The following MTCL2 variants were observed in gnomAD, a reference collection of about 807,000 sequenced individuals.
MTCL2 encodes the protein microtubule crosslinking factor 2, also known as microtubule cross-linking factor 2.
At chr20:36,862,716 C>A in the MTCL2 span, 1 of 1,500,862 alleles carries the variant, frequency 6.7e-7, no homozygotes, top group Non-Finnish European at 8.9e-7. Context: ...GCCGCTGGGC[C>A]CGCAGTCCAG....
the MTCL2 span, chr20:36,815,429 C>T: frequency 6.2e-7 from 1 of 1,612,540 alleles, no homozygotes; most frequent in Admixed American, 1.7e-5. This position sits in a 1 kb window ranked among gnomAD's most constrained non-coding sequence, Gnocchi z 5.3. Flanking sequence ...TGGCATCAGC[C>T]ACCAGGACAT....
At chr20:36,806,517 G>A in the MTCL2 span, among the ~76,000 whole-genome samples, 2 of 151,880 alleles carry the variant, frequency 1.3e-5, no homozygotes, top group Non-Finnish European at 2.9e-5. Context: ...GTAATTTTCT[G>A]TGTCTCTTTA....
At chr20:36,778,184 T>G in the MTCL2 span, 1 of 191,398 alleles carries the variant, frequency 5.2e-6, no homozygotes, top group Non-Finnish European at 1.1e-5. Context: ...GAGGAGCGAC[T>G]ATAGGGTTGG....
the MTCL2 span, chr20:36,794,278 A>T: frequency 1.3e-6 from 2 of 1,552,324 alleles, no homozygotes; most frequent in East Asian, 4.9e-5. The surrounding 1 kb of genome is among the most constrained non-coding windows in gnomAD (Gnocchi z 5.4). Context: ...CCTCTTTGTC[A>T]TGAACCACAG....
chr20:36,811,574 G>C, the MTCL2 span, among the ~76,000 whole-genome samples: 2 of 151,216 alleles, frequency 1.3e-5, no homozygotes, highest in Non-Finnish European at 2.9e-5. Context: ...AGGTTACAGT[G>C]AGCCAAGATC....
chr20:36,861,940 C>T, the MTCL2 span, among the ~76,000 whole-genome samples: 1 of 152,350 alleles, frequency 6.6e-6, no homozygotes, highest in East Asian at 1.9e-4. Context: ...TCACTGCGAA[C>T]ATGGAAAGGC....
chr20:36,850,294 C>T, the MTCL2 span, among the ~76,000 whole-genome samples: 4 of 152,128 alleles, frequency 2.6e-5, no homozygotes, highest in Non-Finnish European at 5.9e-5. Context: ...TTTGGGAGGC[C>T]GAGACGGACG....
At chr20:36,825,586 C>A in the MTCL2 span, among the ~76,000 whole-genome samples, 3 of 152,234 alleles carry the variant, frequency 2.0e-5, no homozygotes, top group Non-Finnish European at 4.4e-5. Flanking sequence ...TTCTCTCTAG[C>A]GGAGAGCTGT....
chr20:36,789,333 G>A, the MTCL2 span, among the ~76,000 whole-genome samples: 2 of 152,042 alleles, frequency 1.3e-5, no homozygotes, highest in Admixed American at 6.6e-5. Flanking sequence ...ATTGTTCTGG[G>A]TGTTTCTGTC....
the MTCL2 span, among the ~76,000 whole-genome samples, chr20:36,825,595 G>A: frequency 6.6e-6 from 1 of 152,234 alleles, no homozygotes; most frequent in Non-Finnish European, 1.5e-5. Flanking sequence ...GCGGAGAGCT[G>A]TCTCCATGGC....
At chr20:36,804,901 G>T in the MTCL2 span, 1 of 1,607,228 alleles carries the variant, frequency 6.2e-7, no homozygotes, top group Non-Finnish European at 8.5e-7. Context: ...GTACTCATTG[G>T]GCTGCAGACA....
At chr20:36,798,499 A>G in the MTCL2 span, among the ~76,000 whole-genome samples, 663 of 152,324 alleles carry the variant, frequency 4.4e-3, 7 homozygotes, top group African/African-American at 0.015. Flanking sequence ...ATCGTGTAGC[A>G]CTTCCCATTG....
At chr20:36,857,583 G>A in the MTCL2 span, among the ~76,000 whole-genome samples, 1 of 152,170 alleles carries the variant, frequency 6.6e-6, no homozygotes, top group Non-Finnish European at 1.5e-5. Context: ...CCCCAAGGAG[G>A]CTGCGGCTGG....
chr20:36,806,739 C>T, the MTCL2 span, among the ~76,000 whole-genome samples: 3 of 152,068 alleles, frequency 2.0e-5, no homozygotes, highest in African/African-American at 7.2e-5. Context: ...AGACTGGTCT[C>T]GAACTCCTGA....
chr20:36,834,524 A>G, the MTCL2 span, among the ~76,000 whole-genome samples: 1 of 152,080 alleles, frequency 6.6e-6, no homozygotes, highest in African/African-American at 2.4e-5. Context: ...TATGTTGTGA[A>G]CAAGCCCTCC....
At chr20:36,835,953 GAA>G in the MTCL2 span, among the ~76,000 whole-genome samples, 1 of 152,054 alleles carries the variant, frequency 6.6e-6, no homozygotes, top group Non-Finnish European at 1.5e-5. Flanking sequence ...TCATCTTTCT[GAA>G]GTCTGACATT....
At chr20:36,796,795 G>A in the MTCL2 span, 5 of 1,323,130 alleles carry the variant, frequency 3.8e-6, no homozygotes, top group African/African-American at 1.4e-5. Context: ...AGCAGGTAGA[G>A]TGGGTGCAGG....
chr20:36,845,638 TGG>T, the MTCL2 span, among the ~76,000 whole-genome samples: 5 of 152,180 alleles, frequency 3.3e-5, no homozygotes, highest in African/African-American at 1.2e-4. Flanking sequence ...GCAGGGGCGC[TGG>T]GCTTTCCGGG....
chr20:36,786,085 A>G, the MTCL2 span: 1 of 987,582 alleles, frequency 1.0e-6, no homozygotes, highest in Non-Finnish European at 1.2e-6. Context: ...AGCAGGAAAC[A>G]TCTCTCCGAC....
Sources: allele counts gnomAD v4.1 joint callset (sites outside exome capture counted in the v4.1 genomes callset), GRCh38; gene constraint gnomAD v4.1.1; non-coding constraint Gnocchi (gnomAD v3.1); transcripts MANE v1.5; gene names NCBI Gene and HGNC (gene_info 2026-07-23, HGNC 2026-07-21).